Variants in TRA2A observed in about 807,000 individuals in gnomAD.
The protein encoded by TRA2A is transformer 2 alpha homolog, also known as transformer-2 protein homolog alpha.
TRA2A carries 31 observed loss-of-function variants against 45.7 expected under a neutral mutation model. The observed-to-expected ratio is 0.68, with a 90% CI of 0.51 to 0.92. The LOEUF (loss-of-function observed/expected upper bound fraction) is 0.92, where lower values mean the gene tolerates loss of function less well. Among genes scored for constraint, TRA2A ranks in the 40% least tolerant of loss-of-function variants. The pLI, the probability that TRA2A is intolerant of heterozygous loss-of-function variation, is 0.00. For synonymous variants in TRA2A, 132 were observed against 126.2 expected, an observed-to-expected ratio of 1.05 and a Z score of -0.31; for missense variants, 304 against 367.5, an observed-to-expected ratio of 0.83 and a Z score of 1.41.
At position 23,505,532 on chromosome 7, in the gene TRA2A, AT is replaced by A. The variant is rs1368355933; in HGVS notation, c.*26del. On this transcript the variant is annotated 3_prime_UTR_variant, in exon 8 of 8. Transcript: ENST00000297071. ...AAAAAAAAAAAAAAGAGGAAAAAAA[AT>A]GTCCTTAATTGCAACCATTCCGTTA... is the stretch of plus-strand genomic sequence containing the variant. 1 of 491,030 alleles carries A rather than the reference AT, an allele frequency of 2.0e-6. No individual in the cohort carries two copies. The highest frequency in any genetic ancestry group is 3.4e-5 in the East Asian group (1 of 29,160). The allele number at this position is 491,030 out of a possible 1,614,324, so 30.4% of individuals were successfully genotyped here. A position where few individuals can be genotyped will look rare whatever the true frequency, so the allele number is the denominator to read the frequency against.
At chr7:23,529,851 A>T (rs1790497855) in intron 1 of TRA2A, among the ~76,000 whole-genome samples, 1 of 95,302 alleles carries the variant, frequency 1.0e-5, no homozygotes. Context: ...GTGGGTGGGA[A>T]TCTTTTTTTT....
At chr7:23,528,167 T>A (rs1418134552) in intron 1 of TRA2A, among the ~76,000 whole-genome samples, 1 of 152,178 alleles carries the variant, frequency 6.6e-6, no homozygotes, top group East Asian at 1.9e-4. Context: ...ATCTTAAAAC[T>A]TCATACACAA....
At chr7:23,518,678 T>C (rs1216486084) in intron 2 of TRA2A, among the ~76,000 whole-genome samples, 1 of 108,850 alleles carries the variant, frequency 9.2e-6, no homozygotes, top group Non-Finnish European at 1.9e-5. Context: ...ATTTCTTGTT[T>C]TTTTTTTTTT....
At chr7:23,524,487 A>T (rs991835504) in intron 1 of TRA2A, among the ~76,000 whole-genome samples, 1 of 151,510 alleles carries the variant, frequency 6.6e-6, no homozygotes, top group Non-Finnish European at 1.5e-5. Flanking sequence ...CCCGGCCAAC[A>T]TCAGATTTAT....
chr7:23,526,948 T>C (rs1790364042), intron 1 of TRA2A, among the ~76,000 whole-genome samples: 1 of 152,168 alleles, frequency 6.6e-6, no homozygotes, highest in Non-Finnish European at 1.5e-5. Flanking sequence ...CATGCCATAA[T>C]TGTGAAATCA....
intron 1 of TRA2A, among the ~76,000 whole-genome samples, chr7:23,527,432 G>C (rs185853762): frequency 1.4e-3 from 207 of 152,086 alleles, no homozygotes; most frequent in Non-Finnish European, 2.1e-3. Flanking sequence ...AATTTGTGAG[G>C]ACATATGAAC....
At chr7:23,527,248 T>C (rs1790375755) in intron 1 of TRA2A, among the ~76,000 whole-genome samples, 1 of 152,122 alleles carries the variant, frequency 6.6e-6, no homozygotes, top group South Asian at 2.1e-4. Flanking sequence ...CCATCTTTGG[T>C]GAAAGTCATG....
At chr7:23,529,320 T>C (rs6967615) in intron 1 of TRA2A, among the ~76,000 whole-genome samples, 8,507 of 152,218 alleles carry the variant, frequency 0.056, 814 homozygotes, top group African/African-American at 0.2. Flanking sequence ...TTCTGTTGCC[T>C]AGACTGGAGT....
chr7:23,526,904 G>A (rs1238913729), intron 1 of TRA2A, among the ~76,000 whole-genome samples: 1 of 152,046 alleles, frequency 6.6e-6, no homozygotes, highest in African/African-American at 2.4e-5. Context: ...ACATGATTTA[G>A]TAACTGACAC....
chr7:23,528,396 C>T (rs539453834), intron 1 of TRA2A, among the ~76,000 whole-genome samples: 1 of 152,052 alleles, frequency 6.6e-6, no homozygotes, highest in African/African-American at 2.4e-5. Context: ...TTAGTAGAGA[C>T]TGTATTTCAC....
chr7:23,527,455 G>A (rs1173525200), intron 1 of TRA2A, among the ~76,000 whole-genome samples: 1 of 152,114 alleles, frequency 6.6e-6, no homozygotes, highest in Admixed American at 6.6e-5. Flanking sequence ...ATAGCAATCA[G>A]TTTTAATTCA....
At chr7:23,516,801 C>T (rs1789893469) in intron 2 of TRA2A, among the ~76,000 whole-genome samples, 1 of 151,962 alleles carries the variant, frequency 6.6e-6, no homozygotes, top group Non-Finnish European at 1.5e-5. Context: ...AAAACAAAAA[C>T]CCACTATTGC....
chr7:23,515,261 G>T (rs1300225193), intron 3 of TRA2A, among the ~76,000 whole-genome samples: 1 of 121,752 alleles, frequency 8.2e-6, no homozygotes, highest in Non-Finnish European at 1.6e-5. Flanking sequence ...ACGGAGTCTC[G>T]CTCTGTCGCC....
chr7:23,516,015 C>T lies in TRA2A; in HGVS notation c.336+348G>A, dbSNP rs546021741. ...CATGGTGAAACCCCATTTCTAAAAA[C>T]ACAAAAATTAGCTGGGTGTGGTGGT... On this transcript the variant is annotated intron_variant, in intron 3 of 7. Transcript: ENST00000297071. 5.3e-5 allele frequency among the ~76,000 whole-genome samples: 8 copies of T among 152,006 alleles called. No individual in the cohort carries two copies. The East Asian group carries it at 1.6e-3, about 30-fold the overall frequency.
At chr7:23,508,863 G>A (rs1409502898) in intron 4 of TRA2A, among the ~76,000 whole-genome samples, 1 of 151,996 alleles carries the variant, frequency 6.6e-6, no homozygotes, top group Non-Finnish European at 1.5e-5. Context: ...GGCCTCAAGT[G>A]GCCTTCCCAC....
At position 23,513,032 on chromosome 7, in the gene TRA2A, G is replaced by C; in HGVS notation, c.387C>G (p.Tyr129Ter). Residue 129 changes from tyrosine (Y) to a stop codon, truncating the protein, a stop_gained, in exon 4 of 8, where the codon TAC (tyrosine) becomes TAG (stop). Transcript: ENST00000297071. LOFTEE classifies it high-confidence loss of function. ...CTTCACGAAGATCCCTCTCTGTTGT[G>C]TACAAACTGAGGCCAAACACTCCAA... is the stretch of plus-strand genomic sequence containing the variant. The part of the protein sequence containing the change: ...TCLGVFGLSL[Y>*]TTERDLREVF... 6.2e-7 allele frequency: 1 copy of C among 1,613,630 alleles called. No individual in the cohort carries two copies. The highest frequency in any genetic ancestry group is 8.5e-7 in the Non-Finnish European group (1 of 1,179,746).
chr7:23,529,600 C>G (rs763782504), intron 1 of TRA2A, among the ~76,000 whole-genome samples: 2 of 152,108 alleles, frequency 1.3e-5, no homozygotes, highest in Non-Finnish European at 2.9e-5. Context: ...ACAAGCTTCT[C>G]GCATTGTTCT....
chr7:23,516,289 T>C, intron 3 of TRA2A, 74 bp downstream of exon 3: 1 of 1,528,144 alleles, frequency 6.5e-7, no homozygotes, highest in Non-Finnish European at 9.0e-7. Flanking sequence ...CAAGCTCCCC[T>C]AAAAGCAAGA....
chr7:23,528,868 G>A lies in TRA2A; in HGVS notation c.36+2921C>T, dbSNP rs191867540. On this transcript the variant is annotated intron_variant, in intron 1 of 7. Transcript: ENST00000297071. ...TCTCAAAAATACTCCAGCTACTCAA[G>A]AAGCCAGAAGAAATCCTGAAAAGGA... Among the ~76,000 whole-genome samples, 13 of 152,100 alleles carry A rather than the reference G, an allele frequency of 8.5e-5. No homozygotes were observed. The East Asian group carries it at 2.3e-3, about 27-fold the overall frequency.
Sources: gnomAD v4.1 joint callset for allele counts (sites outside exome capture counted in the v4.1 genomes callset) on GRCh38, gnomAD v4.1.1 for gene constraint, MANE v1.5 for transcripts, NCBI Gene and HGNC (gene_info 2026-07-23, HGNC 2026-07-21) for gene names.